Variants in IL23R observed in about 807,000 individuals in gnomAD.
IL23R encodes interleukin 23 receptor.
Under a neutral mutation model 56.9 loss-of-function variants are expected in IL23R, and 34 were observed. The observed-to-expected ratio is 0.60, with a 90% CI of 0.45 to 0.80. The LOEUF is 0.80. Among genes scored for constraint, IL23R ranks in the 30% least tolerant of loss-of-function variants. The probability of loss-of-function intolerance (pLI) is 0.00; values close to 1 mark genes in which losing one functional copy is unlikely to be tolerated. For synonymous variants in IL23R, 230 were observed against 249.2 expected (o/e 0.92, Z 0.73); for missense variants, 635 against 730.0 (o/e 0.87, Z 1.50).
At chr1:67,229,085 C>T (rs1172705457) in intron 7 of IL23R, among the ~76,000 whole-genome samples, 1 of 152,132 alleles carries the variant, frequency 6.6e-6, no homozygotes, top group Non-Finnish European at 1.5e-5. Context: ...GTGTGTCCTC[C>T]AAGTCAATTC....
chr1:67,180,297 G>C (rs34389095), intron 3 of IL23R, among the ~76,000 whole-genome samples: 2 of 152,252 alleles, frequency 1.3e-5, no homozygotes, highest in African/African-American at 4.8e-5. Context: ...ATGAATCTGG[G>C]TGCTCCTGTA....
intron 1 of IL23R, among the ~76,000 whole-genome samples, chr1:67,160,090 C>A (rs968846603): frequency 2.0e-5 from 3 of 152,110 alleles, no homozygotes; most frequent in African/African-American, 7.2e-5. Context: ...TGGACTCAAG[C>A]AATCCACCCA....
intron 7 of IL23R, among the ~76,000 whole-genome samples, chr1:67,228,352 T>A (rs1650875107): frequency 9.9e-6 from 1 of 101,380 alleles, no homozygotes; most frequent in African/African-American, 3.5e-5. Flanking sequence ...CCCAGCTAAT[T>A]TTTTTTCTTC....
chr1:67,230,659 G>C (rs1355702605), intron 7 of IL23R, among the ~76,000 whole-genome samples: 3 of 152,156 alleles, frequency 2.0e-5, no homozygotes, highest in African/African-American at 7.2e-5. Flanking sequence ...CCTTGAATAT[G>C]TCTGTGTGTA....
chr1:67,249,118 C>A (rs1570923755), intron 9 of IL23R, among the ~76,000 whole-genome samples: 1 of 152,240 alleles, frequency 6.6e-6, no homozygotes, highest in Non-Finnish European at 1.5e-5. Flanking sequence ...AGCCACCTTG[C>A]CAGCTCTCCA....
chr1:67,148,767 T>G (rs1365662661), intron 1 of IL23R, among the ~76,000 whole-genome samples: 2 of 152,224 alleles, frequency 1.3e-5, no homozygotes, highest in East Asian at 1.9e-4. Context: ...CTTGACTTAG[T>G]GTCCAGTCAT....
chr1:67,208,297 T>A (rs572189599), intron 6 of IL23R, among the ~76,000 whole-genome samples: 4 of 152,242 alleles, frequency 2.6e-5, no homozygotes, highest in Non-Finnish European at 4.4e-5. Context: ...TCAAGCCAGC[T>A]GCAGAAGTTT....
At chr1:67,225,873 G>A (rs1049007921) in intron 7 of IL23R, among the ~76,000 whole-genome samples, 18 of 152,162 alleles carry the variant, frequency 1.2e-4, no homozygotes, top group Admixed American at 3.9e-4. Context: ...TACTTCTGCA[G>A]TGAAGCATAA....
chr1:67,260,759 T>C (rs1387541798), downstream of IL23R, among the ~76,000 whole-genome samples: 1 of 152,152 alleles, frequency 6.6e-6, no homozygotes, highest in Admixed American at 6.5e-5. Context: ...GAGTAGGGCA[T>C]GTAAATTCAT....
In IL23R at chr1:67,158,714, A is replaced by G. The variant is rs74689866; in HGVS notation, c.-633-9378A>G. On this transcript the variant is annotated intron_variant, in intron 1 of 10. Coordinates refer to the IL23R transcript ENST00000637002. ...AGTCCTGCCTCTGGAGTGAAGTACC[A>G]TCTCTTACCTCAAAAGTAGATAAGT... is the stretch of plus-strand genomic sequence containing the variant. 5.8e-3 allele frequency among the ~76,000 whole-genome samples: 880 copies of G among 152,158 alleles called. 6 individuals are homozygous for G. The highest frequency in any genetic ancestry group is 0.02 in the African/African-American group (848 of 41,498).
At chr1:67,170,467 C>T (rs1646929470) in intron 3 of IL23R, among the ~76,000 whole-genome samples, 1 of 152,020 alleles carries the variant, frequency 6.6e-6, no homozygotes, top group Non-Finnish European at 1.5e-5. Flanking sequence ...TATTTAAAAG[C>T]TTAGTCAAGT....
intron 3 of IL23R, among the ~76,000 whole-genome samples, chr1:67,172,952 T>G (rs909490614): frequency 9.9e-5 from 15 of 152,128 alleles, no homozygotes; most frequent in African/African-American, 3.6e-4. Flanking sequence ...ATGCTAGAAG[T>G]ACAAAGAAGA....
At chr1:67,189,120 T>C (rs907372905) in intron 4 of IL23R, among the ~76,000 whole-genome samples, 1 of 152,090 alleles carries the variant, frequency 6.6e-6, no homozygotes, top group Non-Finnish European at 1.5e-5. Context: ...TGTGCTCTAA[T>C]AGAAAGACTT....
chr1:67,168,195 GGT>G lies in IL23R; in HGVS notation c.70+8_70+9del, dbSNP rs1646896925. On this transcript the variant is annotated splice_donor_region_variant and intron_variant, in intron 2 of 10. Transcript: ENST00000347310. ...TCTTCAGCTGGTGTCATGGAGGTAT[GGT>G]GTTTTATGTATCTATTGCTATCTTT... is the stretch of plus-strand genomic sequence containing the variant. The G allele has an allele frequency of 6.3e-7, 1 of 1,587,934 alleles. No individual in the cohort carries two copies. The highest frequency in any genetic ancestry group is 1.7e-5 in the Admixed American group (1 of 59,974).
intron 3 of IL23R, among the ~76,000 whole-genome samples, chr1:67,179,120 T>C (rs186881729): frequency 1.2e-4 from 19 of 152,366 alleles, no homozygotes; most frequent in African/African-American, 4.3e-4. Context: ...ATCAGGAAGA[T>C]GCTGGCCTCA....
At chr1:67,207,380 T>A (rs1339779477) in intron 6 of IL23R, among the ~76,000 whole-genome samples, 1 of 152,142 alleles carries the variant, frequency 6.6e-6, no homozygotes, top group Non-Finnish European at 1.5e-5. Context: ...TCTAGTGTGG[T>A]CCCCAGTGTC....
intron 5 of IL23R, among the ~76,000 whole-genome samples, chr1:67,204,053 T>G (rs1043198705): frequency 5.9e-5 from 9 of 152,232 alleles, no homozygotes. Flanking sequence ...ACATCTATAA[T>G]AAAATTGATA....
chr1:67,258,417 A>G (rs768105348), intron 10 of IL23R, 61 bp from the exon 11 acceptor site: 12 of 1,312,022 alleles, frequency 9.1e-6, no homozygotes, highest in Non-Finnish European at 1.2e-5. Flanking sequence ...TCCTCATTCA[A>G]TTATCCAGTT....
chr1:67,214,673 C>A (rs552394991), intron 6 of IL23R, among the ~76,000 whole-genome samples: 1 of 152,144 alleles, frequency 6.6e-6, no homozygotes, highest in Non-Finnish European at 1.5e-5. Context: ...AAACATTTTT[C>A]TAGTCTATTA....
Sources: allele counts gnomAD v4.1 joint callset (sites outside exome capture counted in the v4.1 genomes callset), GRCh38; gene constraint gnomAD v4.1.1; transcripts MANE v1.5; gene names NCBI Gene and HGNC (gene_info 2026-07-23, HGNC 2026-07-21).